GLI3: variants seen among roughly 807,000 people sequenced by gnomAD.
GLI3 encodes transcription activator GLI3.
A neutral mutation model predicts 100.8 loss-of-function variants in GLI3; 20 were observed. That is an observed-to-expected ratio of 0.20 (90% confidence interval 0.14 to 0.29). GLI3 has a LOEUF of 0.29. Among genes scored for constraint, GLI3 ranks in the 10% least tolerant of loss-of-function variants. GLI3 has a pLI of 1.00. For missense variants in GLI3, 2,040 were observed against 2,128.5 expected, an observed-to-expected ratio of 0.96 and a Z score of 0.82; for synonymous variants, 938 against 860.5, an observed-to-expected ratio of 1.09 and a Z score of -1.58.
intron 14 of GLI3, 77 bp downstream of exon 14, chr7:41,967,519 C>T: frequency 6.0e-6 from 6 of 1,004,312 alleles, no homozygotes; most frequent in Non-Finnish European, 6.2e-6. Context: ...AACTAGCAAA[C>T]ATAAAACTGA....
chr7:42,252,625 G>A (rs925153517), intron 1 of GLI3, among the ~76,000 whole-genome samples: 2 of 152,320 alleles, frequency 1.3e-5, no homozygotes, highest in East Asian at 3.9e-4. Flanking sequence ...GATGCTTGCT[G>A]AGAAAGCTAC....
intron 3 of GLI3, among the ~76,000 whole-genome samples, chr7:42,092,009 T>C (rs1034680806): frequency 6.6e-6 from 1 of 152,234 alleles, no homozygotes; most frequent in Non-Finnish European, 1.5e-5. Flanking sequence ...CGAAACCCTC[T>C]GCCTGGGAAG....
intron 10 of GLI3, among the ~76,000 whole-genome samples, chr7:42,009,813 T>C (rs1274523985): frequency 6.6e-6 from 1 of 152,186 alleles, no homozygotes; most frequent in African/African-American, 2.4e-5. Context: ...TTGCTTTCAC[T>C]GCCATTCGTT....
intron 1 of GLI3, among the ~76,000 whole-genome samples, chr7:42,244,371 G>A (rs1788952279): frequency 6.6e-6 from 1 of 152,168 alleles, no homozygotes; most frequent in Admixed American, 6.5e-5. Flanking sequence ...TAGAACATAA[G>A]GATACAAGTT....
At chr7:42,139,535 G>A (rs139154499) in intron 3 of GLI3, among the ~76,000 whole-genome samples, 2,956 of 152,072 alleles carry the variant, frequency 0.019, 92 homozygotes, top group African/African-American at 0.068. Flanking sequence ...CAAAATTAGC[G>A]TGGCATGGTG....
intron 2 of GLI3, chr7:42,151,996 G>C (rs531990558): frequency 6.6e-6 from 1 of 152,154 alleles, no homozygotes; most frequent in African/African-American, 2.4e-5. Context: ...AGCAGGACTC[G>C]AACACGCACT....
At chr7:42,193,927 C>T (rs1044454591) in intron 2 of GLI3, among the ~76,000 whole-genome samples, 4 of 152,114 alleles carry the variant, frequency 2.6e-5, no homozygotes, top group African/African-American at 7.2e-5. Context: ...AAACAGATAC[C>T]GCTAAAGCTC....
chr7:42,245,695 A>G (rs1240625390), intron 1 of GLI3, among the ~76,000 whole-genome samples: 1 of 150,340 alleles, frequency 6.7e-6, no homozygotes, highest in African/African-American at 2.5e-5. Context: ...AACAAAAACA[A>G]AAACAAAACA....
chr7:42,040,724 C>A (rs1044651863), intron 6 of GLI3, among the ~76,000 whole-genome samples: 5 of 152,164 alleles, frequency 3.3e-5, no homozygotes, highest in Non-Finnish European at 5.9e-5. Context: ...GCCCTCAGTG[C>A]CCAGTGATTT....
intron 4 of GLI3, among the ~76,000 whole-genome samples, chr7:42,065,462 T>C (rs1282870766): frequency 6.6e-6 from 1 of 152,054 alleles, no homozygotes; most frequent in Admixed American, 6.6e-5. Context: ...ACATTGAGGG[T>C]ATAATGCATT....
intron 10 of GLI3, among the ~76,000 whole-genome samples, chr7:41,987,732 G>T (rs892829307): frequency 6.6e-6 from 1 of 152,160 alleles, no homozygotes; most frequent in Admixed American, 6.5e-5. Flanking sequence ...TCTAATCCAT[G>T]ATATATTCTA....
intron 2 of GLI3, chr7:42,152,346 T>C: frequency 7.3e-6 from 7 of 963,496 alleles, no homozygotes; most frequent in Non-Finnish European, 8.6e-6. Flanking sequence ...GAACAGACAA[T>C]ACTTACAACA....
intron 1 of GLI3, among the ~76,000 whole-genome samples, chr7:42,232,686 C>T (rs749848652): frequency 2.6e-4 from 39 of 152,188 alleles, no homozygotes; most frequent in Non-Finnish European, 5.7e-4. Context: ...ATGCAAAATG[C>T]AGAAGTGCCA....
chr7:42,201,371 C>T (rs1788035326), intron 2 of GLI3, among the ~76,000 whole-genome samples: 1 of 152,182 alleles, frequency 6.6e-6, no homozygotes, highest in Non-Finnish European at 1.5e-5. Context: ...TTGACAGAAT[C>T]AGTCCATCGG....
At chr7:41,994,782 A>G (rs1389624933) in intron 10 of GLI3, among the ~76,000 whole-genome samples, 2 of 152,236 alleles carry the variant, frequency 1.3e-5, no homozygotes, top group African/African-American at 2.4e-5. Context: ...ACTTATTTTT[A>G]TAAGCAGATT....
chr7:42,250,728 G>A (rs1031532005), intron 1 of GLI3, among the ~76,000 whole-genome samples: 5 of 152,228 alleles, frequency 3.3e-5, no homozygotes, highest in Non-Finnish European at 5.9e-5. Flanking sequence ...AGTGCCAAAA[G>A]GGCAGCTGGG....
chr7:42,126,400 G>A (rs997203559), intron 3 of GLI3, among the ~76,000 whole-genome samples: 5 of 152,176 alleles, frequency 3.3e-5, no homozygotes, highest in African/African-American at 9.7e-5. Flanking sequence ...ATCTAGAGTG[G>A]TATGATTTTA....
intron 3 of GLI3, among the ~76,000 whole-genome samples, chr7:42,137,423 A>G (rs771407817): frequency 2.6e-5 from 4 of 152,106 alleles, no homozygotes; most frequent in Non-Finnish European, 4.4e-5. Context: ...CCCCTGGCCA[A>G]TGACCACATT....
chr7:41,984,032 G>C (rs925023763), intron 10 of GLI3, among the ~76,000 whole-genome samples: 1 of 152,172 alleles, frequency 6.6e-6, no homozygotes, highest in South Asian at 2.1e-4. Context: ...AGAAAGGTGG[G>C]AGAAATCACA....
Sources: allele counts gnomAD v4.1 joint callset (sites outside exome capture counted in the v4.1 genomes callset), GRCh38; gene constraint gnomAD v4.1.1; transcripts MANE v1.5; gene names NCBI Gene and HGNC (gene_info 2026-07-23, HGNC 2026-07-21).